ZNF585B: variants seen among roughly 807,000 people sequenced by gnomAD.
The protein encoded by ZNF585B is zinc finger protein 585B.
A neutral mutation model predicts 14.0 loss-of-function variants in ZNF585B; 7 were observed. That is an observed-to-expected ratio of 0.50 (90% CI 0.28 to 0.94). ZNF585B has a LOEUF of 0.94. Among genes scored for constraint, ZNF585B ranks in the 40% least tolerant of loss-of-function variants. The probability of loss-of-function intolerance (pLI) is 0.09; values close to 1 mark genes in which losing one functional copy is unlikely to be tolerated. For missense variants in ZNF585B, 750 were observed against 924.4 expected, an observed-to-expected ratio of 0.81 and a Z score of 2.45; for synonymous variants, 290 against 317.3, an observed-to-expected ratio of 0.91 and a Z score of 0.91.
rs1488260008 is a variant in ZNF585B at position 37,184,428 on chromosome 19, A to AGGAAGG, written c.*798_*799insCCTTCC. 41 of 52,464 alleles carry AGGAAGG rather than the reference A, an allele frequency of 7.8e-4. 1 individual carries two copies. Among genetic ancestry groups the AGGAAGG allele is most frequent in the Middle Eastern group, 0.011 (1 of 92 alleles). 3.2% of individuals were successfully genotyped at this position (52,464 alleles called of 1,614,324 possible). A position where few individuals can be genotyped will look rare whatever the true frequency, so the allele number is the denominator to read the frequency against. On this transcript the variant is annotated 3_prime_UTR_variant, in exon 5 of 5. Coordinates refer to ENST00000532828, the MANE Select transcript of ZNF585B (RefSeq NM_152279.4). ...AGAAAGAAAGAAAGAGAAAGAAAGA[A>AGGAAGG]AAAGAAAGAAAGAAGGAAAGAAAGA...
Position 37,186,242 on chromosome 19 carries a change from T to A in ZNF585B, c.1295A>T (p.His432Leu), listed in dbSNP as rs1401797943. The change falls in exon 5 of 5, where the codon CAT becomes CTT. Residue 432 changes from histidine (H) to leucine (L), a missense_variant. Transcript: ENST00000532828. ...ACATTTATAAGGTTTCTCTCCAGTATGAATTATTTGATGTGTAATCAAGTG... is the reference window on the plus strand; with the variant it reads ...ACATTTATAAGGTTTCTCTCCAGTAAGAATTATTTGATGTGTAATCAAGTG... Reference protein sequence around the residue: ...KAHLITHQIIHTGEKPYKCGH... With the variant: ...KAHLITHQIILTGEKPYKCGH... 3 of 1,614,202 alleles carry A rather than the reference T, an allele frequency of 1.9e-6. No individual in the cohort carries two copies. Among genetic ancestry groups the A allele is most frequent in the Non-Finnish European group, 2.5e-6 (3 of 1,180,036 alleles).
intron 4 of ZNF585B, among the ~76,000 whole-genome samples, chr19:37,187,659 G>T (rs1450716863): frequency 6.6e-6 from 1 of 151,916 alleles, no homozygotes; most frequent in African/African-American, 2.4e-5. Context: ...CTGTAATAAG[G>T]TTTGAAATCC....
In ZNF585B at chr19:37,189,934, C is replaced by G; in HGVS notation, c.199+90G>C. On this transcript the variant is annotated intron_variant, in intron 3 of 4. Coordinates refer to ENST00000532828, the MANE Select transcript of ZNF585B (RefSeq NM_152279.4). ...GGAGGAAAAAAGGACAAAACCATCACCTATCTAAGATGCCAACAGCATTCG... is the reference window on the plus strand; with the variant it reads ...GGAGGAAAAAAGGACAAAACCATCAGCTATCTAAGATGCCAACAGCATTCG... 5 of 1,582,102 alleles carry G rather than the reference C, an allele frequency of 3.2e-6. No homozygotes were observed. In the South Asian group the frequency reaches 5.8e-5, roughly 19 times the overall value.
At chr19:37,190,649 T>G (rs1487501729) in intron 2 of ZNF585B, among the ~76,000 whole-genome samples, 6 of 150,248 alleles carry the variant, frequency 4.0e-5, no homozygotes, top group Non-Finnish European at 8.9e-5. Context: ...CACTGCAACC[T>G]CCACCTCCCA....
intron 3 of ZNF585B, 54 bp from the exon 4 acceptor site, chr19:37,189,807 C>T: frequency 6.2e-7 from 1 of 1,606,736 alleles, no homozygotes; most frequent in Non-Finnish European, 8.5e-7. Flanking sequence ...TTTCAGAGCC[C>T]AACAAATACA....
intron 2 of ZNF585B, among the ~76,000 whole-genome samples, chr19:37,197,643 T>C (rs1972481688): frequency 1.3e-5 from 2 of 152,320 alleles, no homozygotes; most frequent in South Asian, 4.1e-4. Context: ...CCAGCATCTG[T>C]TGTTTCCTGA....
At chr19:37,193,953 G>T (rs1490571551) in intron 2 of ZNF585B, among the ~76,000 whole-genome samples, 1 of 152,134 alleles carries the variant, frequency 6.6e-6, no homozygotes, top group Non-Finnish European at 1.5e-5. Flanking sequence ...CTGTTATTTT[G>T]TTGTAGGTGT....
intron 4 of ZNF585B, among the ~76,000 whole-genome samples, chr19:37,187,590 C>G (rs989749726): frequency 4.6e-5 from 7 of 152,154 alleles, no homozygotes; most frequent in Admixed American, 3.3e-4. Context: ...CTCACATCAT[C>G]TCTATCATCA....
chr19:37,207,363 C>CGTAG, intron 1 of ZNF585B, 109 bp from the exon 2 acceptor site: 1 of 761,516 alleles, frequency 1.3e-6, no homozygotes, highest in Non-Finnish European at 1.9e-6. Flanking sequence ...GGTTCCCAAA[C>CGTAG]GTAGGTATGC....
chr19:37,204,811 A>ATC (rs1201416473), intron 2 of ZNF585B, among the ~76,000 whole-genome samples: 1 of 151,408 alleles, frequency 6.6e-6, no homozygotes, highest in Non-Finnish European at 1.5e-5. Context: ...CAGTGGTGCA[A>ATC]TCTCAGCTCC....
At chr19:37,207,890 C>T (rs1211444129) in intron 1 of ZNF585B, among the ~76,000 whole-genome samples, 2 of 152,270 alleles carry the variant, frequency 1.3e-5, no homozygotes, top group South Asian at 2.1e-4. Flanking sequence ...AGTGTGCACA[C>T]GGCATTCATT....
intron 2 of ZNF585B, among the ~76,000 whole-genome samples, chr19:37,201,015 C>T (rs897106787): frequency 2.0e-5 from 3 of 150,476 alleles, no homozygotes; most frequent in Non-Finnish European, 2.9e-5. Flanking sequence ...CGCTTGAACC[C>T]GGAAGCCAGA....
At chr19:37,209,690 C>T (rs1297589153) in intron 1 of ZNF585B, among the ~76,000 whole-genome samples, 1 of 151,000 alleles carries the variant, frequency 6.6e-6, no homozygotes, top group South Asian at 2.1e-4. Flanking sequence ...GAAGCATCAC[C>T]TACAGACACT....
intron 2 of ZNF585B, chr19:37,198,930 G>C (rs369482446): frequency 7.5e-5 from 107 of 1,424,308 alleles, no homozygotes; most frequent in Middle Eastern, 3.8e-4. Flanking sequence ...TATGATTTTT[G>C]AAAGCTACCT....
intron 2 of ZNF585B, among the ~76,000 whole-genome samples, chr19:37,192,069 C>A (rs1972407865): frequency 6.6e-6 from 1 of 151,984 alleles, no homozygotes; most frequent in Non-Finnish European, 1.5e-5. Flanking sequence ...GCCTTTTAGT[C>A]TTCTAGCACA....
chr19:37,198,606 C>T lies in ZNF585B; in HGVS notation c.72+8434G>A, dbSNP rs150704039. Reference sequence around the variant, plus strand: ...CAAAAATTAGCTGGGTGTGGTGGCACGTGCCTGTAATCCCAGCTACTTGGG... The same window carrying T: ...CAAAAATTAGCTGGGTGTGGTGGCATGTGCCTGTAATCCCAGCTACTTGGG... On this transcript the variant is annotated intron_variant, in intron 2 of 4. Transcript: ENST00000532828. Among the ~76,000 whole-genome samples, 963 of 151,692 alleles carry T rather than the reference C, an allele frequency of 6.3e-3. 28 individuals carry two copies. Among genetic ancestry groups the T allele is most frequent in the East Asian group, 0.053 (266 of 5,040 alleles).
Position 37,189,837 on chromosome 19 carries a change from GTTTGTTC to G in ZNF585B, c.200-91_200-85del, listed in dbSNP as rs1972379967. 5.0e-6 allele frequency: 8 copies of G among 1,594,502 alleles called. 1 individual carries two copies. Among genetic ancestry groups the G allele is most frequent in the Non-Finnish European group, 6.0e-6 (7 of 1,165,110 alleles). ...AATACAGTCTTATTGTTCAATGATG[GTTTGTTC>G]TTTAGGAAAGTAACCAGATATCTCT... On this transcript the variant is annotated intron_variant, in intron 3 of 4. Transcript: ENST00000532828.
intron 2 of ZNF585B, among the ~76,000 whole-genome samples, chr19:37,194,023 A>ATATCAAAGTATTTGTATGTATGTATG (rs1221798571): frequency 6.6e-6 from 1 of 152,222 alleles, no homozygotes; most frequent in African/African-American, 2.4e-5. Context: ...TTTGAGATAC[A>ATATCAAAGTATTTGTATGTATGTATG]TATCAAAGTA....
chr19:37,207,619 G>T (rs959726091), intron 1 of ZNF585B, among the ~76,000 whole-genome samples: 1 of 152,152 alleles, frequency 6.6e-6, no homozygotes, highest in Non-Finnish European at 1.5e-5. Context: ...TTTCAACAAT[G>T]AGAATATAAA....
Sources: allele counts gnomAD v4.1 joint callset (sites outside exome capture counted in the v4.1 genomes callset), GRCh38; gene constraint gnomAD v4.1.1; transcripts MANE v1.5; gene names NCBI Gene and HGNC (gene_info 2026-07-23, HGNC 2026-07-21).